GRM1: variants seen among roughly 807,000 people sequenced by gnomAD.
GRM1 encodes the protein glutamate metabotropic receptor 1.
GRM1 carries 33 observed loss-of-function variants against 90.9 expected under a neutral mutation model. That is an observed-to-expected ratio of 0.36 (90% CI 0.28 to 0.49). The LOEUF (loss-of-function observed/expected upper bound fraction) is 0.49. Ranked by LOEUF, GRM1 falls within the 20% of genes least tolerant of loss-of-function variation. GRM1 has a pLI of 0.99. For synonymous variants in GRM1, 700 were observed against 613.2 expected, an observed-to-expected ratio of 1.14 and a Z score of -2.09; for missense variants, 1,190 against 1,534.3, an observed-to-expected ratio of 0.78 and a Z score of 3.75.
At position 146,031,074 on chromosome 6, in the gene GRM1, A is replaced by G. The variant is rs117973598; in HGVS notation, c.700+857A>G. On this transcript the variant is annotated intron_variant, in intron 1 of 7. Coordinates refer to ENST00000282753, the MANE Select transcript of GRM1 (RefSeq NM_001278064.2). ...TGTCTTTCTAAAATGCAATAGATTA[A>G]CCTAAGGTTAAAAGCTTTGATTTTT... is the stretch of plus-strand genomic sequence containing the variant. Among the ~76,000 whole-genome samples the G allele has an allele frequency of 4.7e-3, 721 of 152,286 alleles. 18 individuals carry two copies. In the East Asian group the frequency reaches 0.071, roughly 15 times the overall value.
chr6:146,336,026 T>G (rs1189102534), intron 3 of GRM1, among the ~76,000 whole-genome samples: 1 of 152,188 alleles, frequency 6.6e-6, no homozygotes, highest in Non-Finnish European at 1.5e-5. Flanking sequence ...TCTGCCTTGA[T>G]TGTAAGGCCT....
rs557241976 is a variant in GRM1 at position 146,433,977 on chromosome 6, G to C, written c.2766G>C (p.Thr922=). 9 of 1,613,964 alleles carry C rather than the reference G, an allele frequency of 5.6e-6. No individual in the cohort carries two copies. The highest frequency in any genetic ancestry group is 3.3e-5 in the South Asian group (3 of 91,084). ...CTGTGCACGTGAAGACCAATGAGAC[G>C]GCCTGCAACCAAACAGCCGTCATCA... ...RLSVHVKTNE[T]ACNQTAVIKP... The change falls in exon 8 of 8, where the codon ACG becomes ACC. Residue 922 remains threonine (T), a synonymous_variant. Coordinates refer to ENST00000282753, the MANE Select transcript of GRM1 (RefSeq NM_001278064.2).
chr6:146,341,041 G>C (rs1784959566), intron 3 of GRM1, among the ~76,000 whole-genome samples: 1 of 152,124 alleles, frequency 6.6e-6, no homozygotes, highest in Non-Finnish European at 1.5e-5. Flanking sequence ...CATGGTGAGA[G>C]AGTTCTGCTG....
At chr6:146,119,934 G>C (rs1410592463) in intron 1 of GRM1, among the ~76,000 whole-genome samples, 1 of 152,050 alleles carries the variant, frequency 6.6e-6, no homozygotes, top group Non-Finnish European at 1.5e-5. Flanking sequence ...GTTCTTTTTT[G>C]GTTCCATATT....
intron 2 of GRM1, among the ~76,000 whole-genome samples, chr6:146,226,106 C>T (rs1043992150): frequency 2.0e-4 from 30 of 152,110 alleles, no homozygotes; most frequent in Admixed American, 6.6e-5. Context: ...AAAGCCATTT[C>T]CTAGCTTCAT....
chr6:146,246,576 ACT>A, intron 2 of GRM1, among the ~76,000 whole-genome samples: 1 of 152,160 alleles, frequency 6.6e-6, no homozygotes, highest in South Asian at 2.1e-4. Flanking sequence ...AAGGTCAGAG[ACT>A]CTCACTGAGA....
At chr6:146,386,633 G>A (rs1289384463) in intron 5 of GRM1, among the ~76,000 whole-genome samples, 2 of 152,024 alleles carry the variant, frequency 1.3e-5, no homozygotes, top group South Asian at 2.1e-4. Flanking sequence ...GCAAAAAAAT[G>A]TAGTCAAATA....
At chr6:146,238,377 C>G (rs1780727552) in intron 2 of GRM1, among the ~76,000 whole-genome samples, 1 of 152,086 alleles carries the variant, frequency 6.6e-6, no homozygotes, top group Non-Finnish European at 1.5e-5. Flanking sequence ...CCAAAAGGTT[C>G]CAATGCTGTG....
chr6:146,151,809 A>G (rs565099669), intron 1 of GRM1, among the ~76,000 whole-genome samples: 1 of 152,240 alleles, frequency 6.6e-6, no homozygotes, highest in East Asian at 1.9e-4. Flanking sequence ...GTCCACTTCT[A>G]TTATTTTAAA....
chr6:146,135,060 G>T (rs892575689), intron 1 of GRM1, among the ~76,000 whole-genome samples: 1 of 152,204 alleles, frequency 6.6e-6, no homozygotes, highest in Non-Finnish European at 1.5e-5. Flanking sequence ...GATAAGATTT[G>T]GGTGGGGACA....
chr6:146,073,914 A>T (rs997821773), intron 1 of GRM1, among the ~76,000 whole-genome samples: 3 of 152,096 alleles, frequency 2.0e-5, no homozygotes, highest in Non-Finnish European at 4.4e-5. Context: ...CCATATGTGG[A>T]GAAAAAAGAG....
chr6:146,332,216 T>A (rs1179519445), intron 3 of GRM1, among the ~76,000 whole-genome samples: 1 of 152,178 alleles, frequency 6.6e-6, no homozygotes, highest in African/African-American at 2.4e-5. Flanking sequence ...ATCATGATGT[T>A]AGCAGTTTAA....
chr6:146,113,040 C>T lies in GRM1; in HGVS notation c.701-46308C>T, dbSNP rs190372851. Among the ~76,000 whole-genome samples, 21 of 152,186 alleles carry T rather than the reference C, an allele frequency of 1.4e-4. No individual in the cohort carries two copies. The East Asian group carries it at 2.3e-3, about 17-fold the overall frequency. ...AGTCTTCAAGCTCCATATTTCCTTTCGACAAAAACATCAAATAAAGTCCAA... is the reference window on the plus strand; with the variant it reads ...AGTCTTCAAGCTCCATATTTCCTTTTGACAAAAACATCAAATAAAGTCCAA... On this transcript the variant is annotated intron_variant, in intron 1 of 7. Coordinates refer to ENST00000282753, the MANE Select transcript of GRM1 (RefSeq NM_001278064.2).
chr6:146,319,809 G>A (rs1244475898), intron 3 of GRM1, among the ~76,000 whole-genome samples: 1 of 152,142 alleles, frequency 6.6e-6, no homozygotes, highest in East Asian at 1.9e-4. Context: ...TTTGCACATT[G>A]CTTCTGTATC....
chr6:146,288,779 T>G (rs1251915438), intron 2 of GRM1, among the ~76,000 whole-genome samples: 2 of 152,150 alleles, frequency 1.3e-5, no homozygotes, highest in African/African-American at 4.8e-5. Context: ...GTGCTGGGAT[T>G]ACAGGTGTGA....
intron 3 of GRM1, among the ~76,000 whole-genome samples, chr6:146,350,371 G>A (rs184920843): frequency 6.6e-6 from 1 of 150,764 alleles, no homozygotes; most frequent in African/African-American, 2.5e-5. Flanking sequence ...CCCTGTTGTT[G>A]GTTGTAATGA....
chr6:146,405,217 A>G (rs1348267954), intron 7 of GRM1, among the ~76,000 whole-genome samples: 1 of 152,178 alleles, frequency 6.6e-6, no homozygotes, highest in Non-Finnish European at 1.5e-5. Context: ...AGCTTAAGAG[A>G]AAGGTCTAGG....
chr6:146,142,900 C>G (rs1776941003), intron 1 of GRM1, among the ~76,000 whole-genome samples: 2 of 152,174 alleles, frequency 1.3e-5, no homozygotes, highest in African/African-American at 2.4e-5. Flanking sequence ...TGTGGCCAAG[C>G]TGGTACTTAG....
chr6:146,238,892 G>A (rs554892518), intron 2 of GRM1, among the ~76,000 whole-genome samples: 17 of 152,212 alleles, frequency 1.1e-4, no homozygotes, highest in African/African-American at 3.1e-4. Flanking sequence ...GTAAATAGAA[G>A]GTTAAGCCTA....
Sources: gnomAD v4.1 joint callset for allele counts (sites outside exome capture counted in the v4.1 genomes callset) on GRCh38, gnomAD v4.1.1 for gene constraint, MANE v1.5 for transcripts, NCBI Gene and HGNC (gene_info 2026-07-23, HGNC 2026-07-21) for gene names.